Variants in CTNNA3 observed in about 807,000 individuals in gnomAD.
The protein encoded by CTNNA3 is catenin alpha-3.
In CTNNA3, 76 loss-of-function variants were observed where a neutral mutation model predicts 95.7. The observed-to-expected ratio is 0.79, with a 90% confidence interval of 0.66 to 0.96. CTNNA3 has a LOEUF of 0.96. CTNNA3 is among the 40% of genes least tolerant of loss of function. The probability of loss-of-function intolerance (pLI) is 0.00; values close to 1 mark genes in which losing one functional copy is unlikely to be tolerated. For synonymous variants in CTNNA3, 431 were observed against 374.4 expected, an observed-to-expected ratio of 1.15 and a Z score of -1.74; for missense variants, 1,191 against 1,089.8, an observed-to-expected ratio of 1.09 and a Z score of -1.31.
At chr10:66,644,319 TATATAA>T in intron 9 of CTNNA3, among the ~76,000 whole-genome samples, 1 of 146,822 alleles carries the variant, frequency 6.8e-6, no homozygotes, top group East Asian at 2.0e-4. Context: ...TATATATATA[TATATAA>T]AATAATACTT....
intron 11 of CTNNA3, among the ~76,000 whole-genome samples, chr10:66,410,002 C>G (rs963287924): frequency 6.6e-6 from 1 of 152,166 alleles, no homozygotes; most frequent in African/African-American, 2.4e-5. Flanking sequence ...CTTCAGTGGC[C>G]TGGCTTGCTC....
At chr10:66,384,074 A>G (rs1419571121) in intron 11 of CTNNA3, among the ~76,000 whole-genome samples, 1 of 152,202 alleles carries the variant, frequency 6.6e-6, no homozygotes, top group Non-Finnish European at 1.5e-5. Context: ...TCATAATGAC[A>G]GGATCAAATT....
At chr10:66,212,652 TATC>T (rs1159100164) in intron 13 of CTNNA3, among the ~76,000 whole-genome samples, 4 of 152,230 alleles carry the variant, frequency 2.6e-5, no homozygotes, top group Non-Finnish European at 4.4e-5. Flanking sequence ...TATGTATTAA[TATC>T]ATTTCAGTGT....
At chr10:67,464,882 A>G (rs1212926655) in intron 5 of CTNNA3, among the ~76,000 whole-genome samples, 1 of 151,750 alleles carries the variant, frequency 6.6e-6, no homozygotes, top group Non-Finnish European at 1.5e-5. Context: ...AAAAAGAAAA[A>G]GAAAGTACAG....
At chr10:66,396,749 G>A (rs2092981065) in intron 11 of CTNNA3, among the ~76,000 whole-genome samples, 1 of 151,772 alleles carries the variant, frequency 6.6e-6, no homozygotes, top group Non-Finnish European at 1.5e-5. Context: ...CATCCTCAAA[G>A]AAATTCCATT....
At chr10:66,625,952 C>T (rs1255676852) in intron 9 of CTNNA3, among the ~76,000 whole-genome samples, 3 of 151,738 alleles carry the variant, frequency 2.0e-5, no homozygotes, top group East Asian at 1.9e-4. Context: ...GAGCCAGGGA[C>T]GGCAATGAAA....
At chr10:66,375,301 T>C (rs1295014177) in intron 12 of CTNNA3, among the ~76,000 whole-genome samples, 1 of 151,266 alleles carries the variant, frequency 6.6e-6, no homozygotes, top group Non-Finnish European at 1.5e-5. Context: ...GAAGGTAAAC[T>C]GAGTGAAGAA....
Position 66,343,049 on chromosome 10 carries a change from T to C in CTNNA3, c.1732+36103A>G, listed in dbSNP as rs185082988. On this transcript the variant is annotated intron_variant, in intron 12 of 17. Transcript: ENST00000433211. ...TTGCCTAAAGATGCAAAACCAGTCA[T>C]TGGCAGAGTTTAAAGTCTCTGGCAC... is the stretch of plus-strand genomic sequence containing the variant. Among the ~76,000 whole-genome samples, 219 of 152,154 alleles carry C rather than the reference T, an allele frequency of 1.4e-3. 3 individuals carry two copies. The highest frequency in any genetic ancestry group is 5.1e-3 in the African/African-American group (211 of 41,538).
At chr10:66,581,819 A>G (rs1341558405) in intron 10 of CTNNA3, among the ~76,000 whole-genome samples, 2 of 151,554 alleles carry the variant, frequency 1.3e-5, no homozygotes, top group African/African-American at 4.8e-5. Context: ...AGGTAAAGTT[A>G]ATTTTTGTAT....
intron 12 of CTNNA3, among the ~76,000 whole-genome samples, chr10:66,329,366 G>C (rs1432062078): frequency 6.6e-6 from 1 of 151,898 alleles, no homozygotes; most frequent in Non-Finnish European, 1.5e-5. Context: ...CTACTATACT[G>C]AGTCACTGAT....
intron 13 of CTNNA3, among the ~76,000 whole-genome samples, chr10:66,237,290 G>A (rs1318083074): frequency 6.6e-6 from 1 of 152,100 alleles, no homozygotes; most frequent in Non-Finnish European, 1.5e-5. Context: ...TATTAGCAAA[G>A]GTTTGTGCCT....
intron 13 of CTNNA3, among the ~76,000 whole-genome samples, chr10:66,208,060 A>C (rs2087880828): frequency 6.6e-6 from 1 of 152,218 alleles, no homozygotes; most frequent in Middle Eastern, 3.4e-3. Context: ...AAATGTGAAG[A>C]AAGAATATCA....
rs1286952733 is a variant in CTNNA3, at chr10:66,455,719, T to G, written c.1531+64898A>C. On this transcript the variant is annotated intron_variant, in intron 11 of 17. Transcript: ENST00000433211. ...TGCTCAGGCTCTGGGTTAGTGCTGC[T>G]CCACAAGGAGCTGTCATTCTGCGGT... Among the ~76,000 whole-genome samples the G allele has an allele frequency of 3.3e-5, 5 of 152,280 alleles. No individual in the cohort carries two copies. In the East Asian group the frequency reaches 9.7e-4, roughly 29 times the overall value.
chr10:66,294,153 G>C (rs2091736974), intron 12 of CTNNA3, among the ~76,000 whole-genome samples: 1 of 152,128 alleles, frequency 6.6e-6, no homozygotes, highest in African/African-American at 2.4e-5. Context: ...TGTTTTAAAT[G>C]AATCATCTCT....
chr10:66,441,145 C>T (rs977123395), intron 11 of CTNNA3, among the ~76,000 whole-genome samples: 2 of 152,108 alleles, frequency 1.3e-5, no homozygotes, highest in Non-Finnish European at 2.9e-5. Flanking sequence ...CCAGACTTAG[C>T]AACACAGCAA....
intron 3 of CTNNA3, among the ~76,000 whole-genome samples, chr10:67,570,004 G>T (rs1471504674): frequency 6.6e-6 from 1 of 151,720 alleles, no homozygotes; most frequent in Non-Finnish European, 1.5e-5. Context: ...CTTTACAACT[G>T]GCAAATATTC....
intron 11 of CTNNA3, among the ~76,000 whole-genome samples, chr10:66,518,339 C>T (rs968849947): frequency 6.6e-6 from 1 of 152,098 alleles, no homozygotes; most frequent in South Asian, 2.1e-4. Context: ...TGTTGCATGT[C>T]CAGAGTATTC....
chr10:66,551,629 C>G (rs899473314), intron 10 of CTNNA3, among the ~76,000 whole-genome samples: 1 of 152,136 alleles, frequency 6.6e-6, no homozygotes, highest in Non-Finnish European at 1.5e-5. Context: ...TTTGGAATTA[C>G]GTCTTGTGTG....
chr10:66,737,389 GTA>G (rs899687958), intron 9 of CTNNA3, among the ~76,000 whole-genome samples: 3 of 151,974 alleles, frequency 2.0e-5, no homozygotes, highest in African/African-American at 7.3e-5. Flanking sequence ...CCACACCACT[GTA>G]TATATGTTAT....
Sources: allele counts gnomAD v4.1 joint callset (sites outside exome capture counted in the v4.1 genomes callset), GRCh38; gene constraint gnomAD v4.1.1; transcripts MANE v1.5; gene names NCBI Gene and HGNC (gene_info 2026-07-23, HGNC 2026-07-21).